The following SLC22A23 variants were observed in gnomAD, a reference collection of about 807,000 sequenced individuals.
SLC22A23 encodes the protein solute carrier family 22 member 23.
SLC22A23 carries 26 observed loss-of-function variants against 61.0 expected under a neutral mutation model. The observed-to-expected ratio is 0.43, with a 90% CI of 0.31 to 0.59. The LOEUF is 0.59. SLC22A23 is among the 20% of genes least tolerant of loss of function. The pLI is 0.11. For synonymous variants in SLC22A23, 430 were observed against 413.9 expected (o/e 1.04, Z -0.47); for missense variants, 796 against 934.7 (o/e 0.85, Z 1.94).
rs541514749 is a variant in SLC22A23, at chr6:3,322,884, T to C, written c.1082+950A>G. ...TAGTAGCAATACAGGGCCACATCCA[T>C]GATCTACTTATGGGTAAGGTGAGAG... On this transcript the variant is annotated intron_variant, in intron 4 of 9. Coordinates refer to ENST00000406686, the MANE Select transcript of SLC22A23 (RefSeq NM_015482.2). The surrounding 1 kb of genome is among the most constrained non-coding windows in gnomAD (Gnocchi z 4.1). 6.6e-5 allele frequency among the ~76,000 whole-genome samples: 10 copies of C among 152,240 alleles called. No individual in the cohort carries two copies. Among genetic ancestry groups the C allele is most frequent in the African/African-American group, 2.2e-4 (9 of 41,530 alleles).
At chr6:3,285,879 C>A (rs1394908079) in intron 7 of SLC22A23, among the ~76,000 whole-genome samples, 1 of 152,142 alleles carries the variant, frequency 6.6e-6, no homozygotes, top group African/African-American at 2.4e-5. Context: ...GGCAGGGGAG[C>A]TCTGTGGGGT....
chr6:3,390,047 A>G lies in SLC22A23; in HGVS notation c.913+20141T>C, dbSNP rs1767566895. ...ATTTCAAAAAAAGGCCTGGTTTGGG[A>G]TGAAATGAACAGAGTTCTCCTGGCA... On this transcript the variant is annotated intron_variant, in intron 3 of 9. Coordinates refer to ENST00000406686, the MANE Select transcript of SLC22A23 (RefSeq NM_015482.2). The surrounding 1 kb of genome is among the most constrained non-coding windows in gnomAD (Gnocchi z 4.0). Among the ~76,000 whole-genome samples, 1 of 152,220 alleles carries G rather than the reference A, an allele frequency of 6.6e-6. No individual in the cohort carries two copies. Among genetic ancestry groups the G allele is most frequent in the Non-Finnish European group, 1.5e-5 (1 of 68,038 alleles).
At chr6:3,434,406 C>T (rs1397144762) in intron 1 of SLC22A23, among the ~76,000 whole-genome samples, 1 of 151,906 alleles carries the variant, frequency 6.6e-6, no homozygotes, top group South Asian at 2.1e-4. Flanking sequence ...GTCAGGAGAT[C>T]GAGACCAGCC....
chr6:3,385,775 T>A (rs1767261180), intron 3 of SLC22A23, among the ~76,000 whole-genome samples: 2 of 152,196 alleles, frequency 1.3e-5, no homozygotes, highest in South Asian at 4.1e-4. Context: ...CAAACACATG[T>A]GCCTGCAACT....
intron 4 of SLC22A23, among the ~76,000 whole-genome samples, chr6:3,321,854 T>G (rs545155663): frequency 1.8e-4 from 28 of 152,190 alleles, no homozygotes; most frequent in African/African-American, 6.7e-4. Context: ...GAGAATCTGC[T>G]GGGGTAGGGA....
At chr6:3,353,537 C>T (rs1403672788) in intron 3 of SLC22A23, among the ~76,000 whole-genome samples, 2 of 152,216 alleles carry the variant, frequency 1.3e-5, no homozygotes, top group Non-Finnish European at 2.9e-5. Context: ...TTATGCTTTA[C>T]AAAATCACAT....
At chr6:3,362,318 G>A (rs1024812677) in intron 3 of SLC22A23, among the ~76,000 whole-genome samples, 2 of 150,204 alleles carry the variant, frequency 1.3e-5, no homozygotes, top group Admixed American at 6.7e-5. Flanking sequence ...CTGGAGAATC[G>A]CTTGAATCCG....
At chr6:3,385,627 A>T in intron 3 of SLC22A23, among the ~76,000 whole-genome samples, 1 of 152,250 alleles carries the variant, frequency 6.6e-6, no homozygotes, top group East Asian at 1.9e-4. Flanking sequence ...ACAACTGACA[A>T]GTTTACTAAA....
intron 1 of SLC22A23, among the ~76,000 whole-genome samples, chr6:3,439,124 G>A (rs112136863): frequency 0.021 from 3,189 of 152,208 alleles, 74 homozygotes; most frequent in Middle Eastern, 0.065. Context: ...ATCTGGGGCC[G>A]GATCATCCCT....
chr6:3,440,154 T>C (rs1234117397), intron 1 of SLC22A23, among the ~76,000 whole-genome samples: 1 of 151,882 alleles, frequency 6.6e-6, no homozygotes, highest in African/African-American at 2.4e-5. Flanking sequence ...GTCCAGCAGG[T>C]TGGGGAATGC....
chr6:3,389,733 T>G (rs1006735571), intron 3 of SLC22A23, among the ~76,000 whole-genome samples: 1 of 152,240 alleles, frequency 6.6e-6, no homozygotes, highest in African/African-American at 2.4e-5. Context: ...AGTACAGGGA[T>G]GAAGTTATCC....
chr6:3,346,718 T>C (rs1764459536), intron 3 of SLC22A23, among the ~76,000 whole-genome samples: 2 of 152,154 alleles, frequency 1.3e-5, no homozygotes, highest in African/African-American at 4.8e-5. Context: ...GCCCATTCCC[T>C]GGCCATCCCT....
In SLC22A23 at chr6:3,285,076, C is replaced by T. The variant is rs547175017; in HGVS notation, c.1579+3G>A. ...AAGCACAGCCCACGCGCTTGGGACT[C>T]ACCTGAGTCTGGGTGCTGGCTGTAC... is the stretch of plus-strand genomic sequence containing the variant. On this transcript the variant is annotated splice_donor_region_variant and intron_variant, in intron 8 of 9. Transcript: ENST00000406686. The T allele has an allele frequency of 3.2e-5, 52 of 1,613,058 alleles. No homozygotes were observed. The highest frequency in any genetic ancestry group is 4.4e-5 in the Non-Finnish European group (52 of 1,179,484).
rs150005839 is a variant in SLC22A23 at position 3,373,685 on chromosome 6, G to A, written c.913+36503C>T. ...GGAAGAAGAAAAGGAAGAGGAGGAG[G>A]AGGAAGAAGAGGAGGAAGCAGCAGC... On this transcript the variant is annotated intron_variant, in intron 3 of 9. Coordinates refer to ENST00000406686, the MANE Select transcript of SLC22A23 (RefSeq NM_015482.2). Among the ~76,000 whole-genome samples, 9 of 152,284 alleles carry A rather than the reference G, an allele frequency of 5.9e-5. No homozygotes were observed. In the East Asian group the frequency reaches 1.7e-3, roughly 29 times the overall value.
In SLC22A23 at chr6:3,294,238, C is replaced by T. The variant is rs545823340; in HGVS notation, c.1210+3853G>A. Among the ~76,000 whole-genome samples, 181 of 150,122 alleles carry T rather than the reference C, an allele frequency of 1.2e-3. 1 individual carries two copies. Among genetic ancestry groups the T allele is most frequent in the African/African-American group, 4.1e-3 (169 of 40,774 alleles). The stretch of plus-strand genomic sequence containing the variant: ...CGCTTCCTCCGATGCCTGGCAGTCA[C>T]TGTCCAGTGACTTTTTGCTTATCTT... On this transcript the variant is annotated intron_variant, in intron 5 of 9. Transcript: ENST00000406686.
At chr6:3,411,310 A>C (rs1362950380) in intron 2 of SLC22A23, among the ~76,000 whole-genome samples, 1 of 152,210 alleles carries the variant, frequency 6.6e-6, no homozygotes, top group African/African-American at 2.4e-5. Context: ...AGGAGAAAAA[A>C]GGGGGAAAAA....
At position 3,286,023 on chromosome 6, in the gene SLC22A23, G is replaced by A. The variant is rs1001189275; in HGVS notation, c.1546+836C>T. Among the ~76,000 whole-genome samples the A allele has an allele frequency of 2.0e-5, 3 of 152,136 alleles. No homozygotes were observed. The highest frequency in any genetic ancestry group is 1.9e-4 in the East Asian group (1 of 5,190). On this transcript the variant is annotated intron_variant, in intron 7 of 9. Transcript: ENST00000406686. The surrounding 1 kb of genome is among the most constrained non-coding windows in gnomAD (Gnocchi z 4.2). Reference sequence around the variant, plus strand: ...ATGCTGTGGTGGTTTGTCCATACACGGGAATGGGTATTTGTTGGTGAGGAG... The same window carrying A: ...ATGCTGTGGTGGTTTGTCCATACACAGGAATGGGTATTTGTTGGTGAGGAG...
At chr6:3,351,533 C>A (rs760113845) in intron 3 of SLC22A23, among the ~76,000 whole-genome samples, 2 of 152,170 alleles carry the variant, frequency 1.3e-5, no homozygotes, top group Non-Finnish European at 2.9e-5. Flanking sequence ...AAGTACTGGA[C>A]GGTCAGGACT....
chr6:3,289,985 T>A, intron 5 of SLC22A23, 119 bp from the exon 6 acceptor site: 1 of 451,170 alleles, frequency 2.2e-6, no homozygotes. Context: ...GAGAAGCTTT[T>A]TTTTTTTTTT....
Sources: allele counts gnomAD v4.1 joint callset (sites outside exome capture counted in the v4.1 genomes callset), GRCh38; gene constraint gnomAD v4.1.1; non-coding constraint Gnocchi (gnomAD v3.1); transcripts MANE v1.5; gene names NCBI Gene and HGNC (gene_info 2026-07-23, HGNC 2026-07-21).